TMEM91: variants seen among roughly 807,000 people sequenced by gnomAD.
The protein encoded by TMEM91 is transmembrane protein 91.
In TMEM91, 6 loss-of-function variants were observed where a neutral mutation model predicts 13.3. The ratio of observed to expected loss-of-function variants is 0.45; its 90% CI spans 0.25 to 0.89. The LOEUF (loss-of-function observed/expected upper bound fraction) is 0.89. Ranked by LOEUF, TMEM91 falls within the 40% of genes least tolerant of loss-of-function variation. The pLI, the probability that TMEM91 is intolerant of heterozygous loss-of-function variation, is 0.19. For synonymous variants in TMEM91, 87 were observed against 101.7 expected (o/e 0.86, Z 0.87); for missense variants, 193 against 228.7 (o/e 0.84, Z 1.01).
At position 41,383,914 on chromosome 19, in the gene TMEM91, C is replaced by A; in HGVS notation, c.*41C>A. The A allele has an allele frequency of 6.3e-7, 1 of 1,577,880 alleles. No homozygotes were observed. Among genetic ancestry groups the A allele is most frequent in the East Asian group, 2.4e-5 (1 of 42,022 alleles). ...TCACTGTGAACCCTGAGGCCGGCAG[C>A]CCAGCAAATCTGTGGGCAGAGAGTG... On this transcript the variant is annotated 3_prime_UTR_variant, in exon 4 of 4. Transcript: ENST00000392002.
Position 41,366,623 on chromosome 19 carries a change from T to G in TMEM91, c.-30+2528T>G, listed in dbSNP as rs566245082. 9.8e-4 allele frequency among the ~76,000 whole-genome samples: 149 copies of G among 152,140 alleles called. 1 individual carries two copies. The highest frequency in any genetic ancestry group is 3.5e-3 in the African/African-American group (144 of 41,546). On this transcript the variant is annotated intron_variant, in intron 1 of 3. Coordinates refer to the TMEM91 transcript ENST00000413014. ...CACAACCTGGCTGGCACCTCCTGCC[T>G]CATTTTTGTATTTTTAGTAGAGACG...
At chr19:41,366,104 G>T (rs2038523592) in intron 1 of TMEM91, among the ~76,000 whole-genome samples, 1 of 145,382 alleles carries the variant, frequency 6.9e-6, no homozygotes. Context: ...GCCCAGGCTG[G>T]AGTGAGCCTC....
intron 1 of TMEM91, among the ~76,000 whole-genome samples, chr19:41,377,907 C>T (rs952957374): frequency 2.0e-5 from 3 of 151,590 alleles, no homozygotes; most frequent in African/African-American, 7.3e-5. Flanking sequence ...ATCCCAGCTA[C>T]TCGGGAGGCT....
At position 41,378,416 on chromosome 19, in the gene TMEM91, G is replaced by C; in HGVS notation, c.107G>C (p.Arg36Thr). The C allele has an allele frequency of 6.2e-7, 1 of 1,614,200 alleles. No homozygotes were observed. Among genetic ancestry groups the C allele is most frequent in the Non-Finnish European group, 8.5e-7 (1 of 1,180,046 alleles). ...AGGCATGAGCTGGGGTCCCCCTTAA[G>C]AGAGATAGCCTTTGCCGAGTCCCTG... is the stretch of plus-strand genomic sequence containing the variant. ...PGRHELGSPLREIAFAESLRG... is the reference protein window; with the variant it reads ...PGRHELGSPLTEIAFAESLRG... Residue 36 changes from arginine (R) to threonine (T), a missense_variant, in exon 2 of 4, where the codon AGA becomes ACA. By Grantham distance (71) the Arg-to-Thr change is moderately conservative. Transcript: ENST00000392002.
In TMEM91 at chr19:41,383,708, T is replaced by G. The variant is rs2038948267; in HGVS notation, c.361-7T>G. On this transcript the variant is annotated splice_region_variant and splice_polypyrimidine_tract_variant and intron_variant, in intron 3 of 3. Coordinates refer to ENST00000392002, the MANE Select transcript of TMEM91 (RefSeq NM_001098821.2). ...GCCTGGGTCACTGCTGCCCACTGCC[T>G]CTACAGACCAACAAGGCTTGGGCCA... The G allele has an allele frequency of 6.2e-7, 1 of 1,612,452 alleles. No homozygotes were observed. Among genetic ancestry groups the G allele is most frequent in the Non-Finnish European group, 8.5e-7 (1 of 1,178,932 alleles).
In TMEM91 at chr19:41,378,339, A is replaced by G. The variant is rs80302685; in HGVS notation, c.30A>G (p.Gln10=). MDSPSLREL[Q]QPLLEGTECE... ...ACAGCCCTAGTCTTCGTGAGCTTCA[A>G]CAGCCTCTGCTGGAGGGCACAGAAT... The change falls in exon 2 of 4, where the codon CAA becomes CAG. Residue 10 remains glutamine (Q), a synonymous_variant. Coordinates refer to ENST00000392002, the MANE Select transcript of TMEM91 (RefSeq NM_001098821.2). 6.8e-4 allele frequency: 1,092 copies of G among 1,614,116 alleles called. 11 individuals are homozygous for G. The African/African-American group carries it at 0.013, about 19-fold the overall frequency.
At chr19:41,382,451 C>G (rs1181420022) in intron 2 of TMEM91, among the ~76,000 whole-genome samples, 7 of 152,018 alleles carry the variant, frequency 4.6e-5, no homozygotes, top group Admixed American at 6.5e-5. Context: ...TGGTGAAACC[C>G]CATCTCTACT....
Position 41,384,021 on chromosome 19 carries a change from C to A in TMEM91, c.*148C>A. 1 of 1,357,400 alleles carries A rather than the reference C, an allele frequency of 7.4e-7. No homozygotes were observed. Among genetic ancestry groups the A allele is most frequent in the Non-Finnish European group, 9.7e-7 (1 of 1,029,632 alleles). 84.1% of individuals were successfully genotyped at this position (1,357,400 alleles called of 1,614,324 possible). ...AGCTGGACTGGAACCCTTCCCCTTC[C>A]TGGCCACCGCTCTTCGGGCGGCAGC... On this transcript the variant is annotated 3_prime_UTR_variant, in exon 4 of 4. Transcript: ENST00000392002.
intron 1 of TMEM91, among the ~76,000 whole-genome samples, chr19:41,369,106 C>A (rs1469155571): frequency 6.6e-6 from 1 of 151,952 alleles, no homozygotes; most frequent in East Asian, 2.0e-4. Flanking sequence ...CTGAGTGAGA[C>A]CCTGTCTCAA....
intron 2 of TMEM91, among the ~76,000 whole-genome samples, chr19:41,379,351 T>C (rs1388666333): frequency 6.7e-6 from 1 of 148,352 alleles, no homozygotes; most frequent in East Asian, 2.0e-4. Context: ...CTCCGAAAAT[T>C]AGAAAGACCC....
chr19:41,371,350 C>CTTCCTTCCT (rs2038615874), intron 1 of TMEM91, among the ~76,000 whole-genome samples: 1 of 148,204 alleles, frequency 6.7e-6, no homozygotes, highest in African/African-American at 2.5e-5. Flanking sequence ...TCCTTCCTTC[C>CTTCCTTCCT]TTCCTTCCTT....
intron 1 of TMEM91, among the ~76,000 whole-genome samples, chr19:41,371,033 G>A (rs375215181): frequency 6.7e-6 from 1 of 149,796 alleles, no homozygotes; most frequent in East Asian, 2.0e-4. Flanking sequence ...ACAGGGTCTC[G>A]CTCTGTCACC....
At chr19:41,373,169 G>C (rs2038651366), upstream of TMEM91, among the ~76,000 whole-genome samples, 1 of 151,970 alleles carries the variant, frequency 6.6e-6, no homozygotes, top group Non-Finnish European at 1.5e-5. Flanking sequence ...TGAACTTTTG[G>C]GTTTAAGTAA....
intron 1 of TMEM91, among the ~76,000 whole-genome samples, chr19:41,367,290 G>C (rs544075351): frequency 6.4e-4 from 97 of 152,296 alleles, no homozygotes; most frequent in African/African-American, 2.2e-3. Context: ...GATAGGAGGA[G>C]GAGTACTCTT....
intron 2 of TMEM91, among the ~76,000 whole-genome samples, chr19:41,381,872 TTTTC>T (rs1380103948): frequency 6.6e-6 from 1 of 151,798 alleles, no homozygotes; most frequent in Non-Finnish European, 1.5e-5. Context: ...GCTCAGGGGC[TTTTC>T]TTTTTTTGAG....
intron 2 of TMEM91, among the ~76,000 whole-genome samples, 169 bp downstream of exon 2, chr19:41,378,688 T>G (rs2038791195): frequency 6.6e-6 from 1 of 152,206 alleles, no homozygotes; most frequent in Admixed American, 6.5e-5. Flanking sequence ...CTTCTTGTTT[T>G]ATGTCTCTCA....
rs2038953433 is a variant in TMEM91 at position 41,383,835 on chromosome 19, AC to A, written c.484del (p.Leu162TrpfsTer22). ...GTGCACGTATGCGGCTGCCCTGGTG[AC>A]CCTGGCTGCCTACCTTGCCTCCCGA... is the stretch of plus-strand genomic sequence containing the variant. ...GVCTYAAALV[T>X]LAAYLASRDP... On this transcript the variant is annotated frameshift_variant, in exon 4 of 4. Transcript: ENST00000392002. LOFTEE classifies it high-confidence loss of function. 6.2e-7 allele frequency: 1 copy of A among 1,608,428 alleles called. No individual in the cohort carries two copies. The highest frequency in any genetic ancestry group is 1.7e-5 in the Admixed American group (1 of 59,356).
Position 41,378,504 on chromosome 19 carries a change from G to A in TMEM91, c.195G>A (p.Arg65=). 6.2e-7 allele frequency: 1 copy of A among 1,614,048 alleles called. No individual in the cohort carries two copies. The highest frequency in any genetic ancestry group is 1.1e-5 in the South Asian group (1 of 91,082). The change falls in exon 2 of 4, where the codon AGG becomes AGA. Residue 65 remains arginine (R), a synonymous_variant. Coordinates refer to ENST00000392002, the MANE Select transcript of TMEM91 (RefSeq NM_001098821.2). Reference sequence around the variant, plus strand: ...TGAGCGCTGGCCTGGGGGAACCAAGGCCCCCTGATGTTGAGGTAGGAAACA... The same window carrying A: ...TGAGCGCTGGCCTGGGGGAACCAAGACCCCCTGATGTTGAGGTAGGAAACA... ...PSVSAGLGEP[R]PPDVEDMSSS...
chr19:41,378,491 TG>T lies in TMEM91; in HGVS notation c.187del (p.Glu63AsnfsTer55), dbSNP rs1360036429. The T allele has an allele frequency of 6.2e-7, 1 of 1,613,936 alleles. No homozygotes were observed. The highest frequency in any genetic ancestry group is 1.3e-5 in the African/African-American group (1 of 74,908). ...SPPLPSVSAG[L>X]GEPRPPDVED... is the part of the protein sequence containing the mutation. ...CCTCTTCCCTCCGTGAGCGCTGGCC[TG>T]GGGGAACCAAGGCCCCCTGATGTTG... On this transcript the variant is annotated frameshift_variant, in exon 2 of 4. Coordinates refer to ENST00000392002, the MANE Select transcript of TMEM91 (RefSeq NM_001098821.2). LOFTEE classifies it high-confidence loss of function.
Sources: gnomAD v4.1 joint callset for allele counts (sites outside exome capture counted in the v4.1 genomes callset) on GRCh38, gnomAD v4.1.1 for gene constraint, MANE v1.5 for transcripts, NCBI Gene and HGNC (gene_info 2026-07-23, HGNC 2026-07-21) for gene names.